The following HS6ST3 variants were observed in gnomAD, a reference collection of about 807,000 sequenced individuals.
The protein encoded by HS6ST3 is heparan-sulfate 6-O-sulfotransferase 3.
Under a neutral mutation model 36.7 loss-of-function variants are expected in HS6ST3, and 12 were observed. That is an observed-to-expected ratio of 0.33 (90% CI 0.21 to 0.53). The LOEUF (loss-of-function observed/expected upper bound fraction) is 0.53, where lower values mean the gene tolerates loss of function less well. HS6ST3 is among the 20% of genes least tolerant of loss of function. HS6ST3 has a pLI of 0.95. For missense variants in HS6ST3, 584 were observed against 640.9 expected (o/e 0.91, Z 0.96); for synonymous variants, 240 against 257.5 (o/e 0.93, Z 0.65).
intron 1 of HS6ST3, among the ~76,000 whole-genome samples, chr13:96,267,887 G>A (rs1042791813): frequency 6.6e-6 from 1 of 151,774 alleles, no homozygotes; most frequent in Non-Finnish European, 1.5e-5. Context: ...TGATAGGAAG[G>A]ACTAAACATG....
At chr13:96,472,973 A>AT (rs1555306916) in intron 1 of HS6ST3, among the ~76,000 whole-genome samples, 2 of 152,096 alleles carry the variant, frequency 1.3e-5, no homozygotes, top group Non-Finnish European at 2.9e-5. Flanking sequence ...TGTTGGCCTG[A>AT]TTTTGTAAGC....
At chr13:96,160,767 G>A (rs2054131963) in intron 1 of HS6ST3, among the ~76,000 whole-genome samples, 1 of 152,192 alleles carries the variant, frequency 6.6e-6, no homozygotes, top group Admixed American at 6.5e-5. Context: ...CTCCCAGAGG[G>A]TGTACAATCT....
Position 96,337,356 on chromosome 13 carries a change from T to C in HS6ST3, c.707+245787T>C, listed in dbSNP as rs182961603. Among the ~76,000 whole-genome samples, 920 of 152,336 alleles carry C rather than the reference T, an allele frequency of 6.0e-3. 2 individuals are homozygous for C. Among genetic ancestry groups the C allele is most frequent in the Non-Finnish European group, 7.1e-3 (480 of 68,032 alleles). ...TCCCAAAGTCCTGGGATTACAGGCG[T>C]GAGCCACCGCGCCCAGCCAGTTTGG... On this transcript the variant is annotated intron_variant, in intron 1 of 1. Coordinates refer to ENST00000376705, the MANE Select transcript of HS6ST3 (RefSeq NM_153456.4).
intron 1 of HS6ST3, among the ~76,000 whole-genome samples, chr13:96,732,524 C>T (rs780374383): frequency 6.6e-6 from 1 of 151,904 alleles, no homozygotes; most frequent in Admixed American, 6.6e-5. Context: ...TTTTTAATGA[C>T]AGTACCACCC....
At chr13:96,523,513 A>G (rs190520053) in intron 1 of HS6ST3, among the ~76,000 whole-genome samples, 27 of 152,262 alleles carry the variant, frequency 1.8e-4, no homozygotes, top group African/African-American at 6.0e-4. Context: ...AGTCAAACAT[A>G]GATTTGGTCT....
At chr13:96,162,081 G>A (rs2054138215) in intron 1 of HS6ST3, among the ~76,000 whole-genome samples, 1 of 152,174 alleles carries the variant, frequency 6.6e-6, no homozygotes, top group African/African-American at 2.4e-5. Context: ...AAACATAGCT[G>A]ATAGGCTGTA....
intron 1 of HS6ST3, among the ~76,000 whole-genome samples, chr13:96,809,707 G>A (rs528633338): frequency 9.3e-4 from 141 of 152,306 alleles, no homozygotes; most frequent in African/African-American, 3.1e-3. Context: ...TACCCCAGGC[G>A]CTTAATTCCT....
intron 1 of HS6ST3, among the ~76,000 whole-genome samples, chr13:96,466,294 C>A (rs111547806): frequency 0.02 from 281 of 14,188 alleles, 2 homozygotes; most frequent in African/African-American, 0.022. Flanking sequence ...AGAAAAAAAA[C>A]ATCTACTATC....
chr13:96,815,095 C>G (rs1247519811), intron 1 of HS6ST3, among the ~76,000 whole-genome samples: 6 of 152,160 alleles, frequency 3.9e-5, no homozygotes, highest in Non-Finnish European at 7.4e-5. Context: ...TGGGTGGCTT[C>G]AACAGCAGTT....
At chr13:96,536,056 A>G (rs2056154058) in intron 1 of HS6ST3, among the ~76,000 whole-genome samples, 1 of 152,202 alleles carries the variant, frequency 6.6e-6, no homozygotes, top group Non-Finnish European at 1.5e-5. Flanking sequence ...AATCAAGCAC[A>G]TTTTAACTCC....
intron 1 of HS6ST3, among the ~76,000 whole-genome samples, chr13:96,810,224 A>G (rs1389882923): frequency 2.0e-5 from 3 of 152,134 alleles, no homozygotes; most frequent in Non-Finnish European, 4.4e-5. Context: ...AGGGTTAGTG[A>G]CCTTTCCTAT....
At chr13:96,251,223 C>G (rs1010210850) in intron 1 of HS6ST3, among the ~76,000 whole-genome samples, 1 of 152,044 alleles carries the variant, frequency 6.6e-6, no homozygotes, top group African/African-American at 2.4e-5. Flanking sequence ...CGGGCTTTTC[C>G]TTTTGGGAGA....
chr13:96,212,775 C>T (rs1201642889), intron 1 of HS6ST3, among the ~76,000 whole-genome samples: 1 of 152,116 alleles, frequency 6.6e-6, no homozygotes, highest in East Asian at 1.9e-4. Flanking sequence ...ATAGAGGGCA[C>T]TGAATCATAG....
intron 1 of HS6ST3, among the ~76,000 whole-genome samples, chr13:96,536,016 C>A (rs527283330): frequency 6.6e-5 from 10 of 152,282 alleles, no homozygotes; most frequent in Non-Finnish European, 1.5e-4. Context: ...TTAACCTCAT[C>A]AAATGCCAAT....
chr13:96,684,829 G>A (rs138983641), intron 1 of HS6ST3, among the ~76,000 whole-genome samples: 160 of 152,124 alleles, frequency 1.1e-3, no homozygotes, highest in African/African-American at 3.4e-3. Flanking sequence ...ACCCGCCCAA[G>A]CAAGAAGCCA....
At chr13:96,373,134 C>T (rs1236788635) in intron 1 of HS6ST3, among the ~76,000 whole-genome samples, 5 of 152,232 alleles carry the variant, frequency 3.3e-5, no homozygotes, top group South Asian at 4.1e-4. Flanking sequence ...GTCTCTCCTT[C>T]GTACATCTCT....
At chr13:96,240,587 G>T (rs2054555403) in intron 1 of HS6ST3, among the ~76,000 whole-genome samples, 1 of 152,170 alleles carries the variant, frequency 6.6e-6, no homozygotes, top group Non-Finnish European at 1.5e-5. Flanking sequence ...CCTGTATGTA[G>T]GTTCTGGAGC....
intron 1 of HS6ST3, among the ~76,000 whole-genome samples, chr13:96,668,531 C>T (rs2056671828): frequency 6.6e-6 from 1 of 151,970 alleles, no homozygotes; most frequent in Admixed American, 6.6e-5. Context: ...GGCAGGAAAA[C>T]CTCACAGAGC....
intron 1 of HS6ST3, among the ~76,000 whole-genome samples, chr13:96,584,266 C>T (rs1037642272): frequency 1.3e-5 from 2 of 152,146 alleles, no homozygotes; most frequent in Non-Finnish European, 2.9e-5. Flanking sequence ...GCCTCACCCT[C>T]CCAAGTAGCT....
Sources: gnomAD v4.1 joint callset for allele counts (sites outside exome capture counted in the v4.1 genomes callset) on GRCh38, gnomAD v4.1.1 for gene constraint, MANE v1.5 for transcripts, NCBI Gene and HGNC (gene_info 2026-07-23, HGNC 2026-07-21) for gene names.